Variants in MIOS observed in about 807,000 individuals in gnomAD.
MIOS encodes the protein GATOR2 complex protein MIOS.
In MIOS, 52 loss-of-function variants were observed where a neutral mutation model predicts 96.9. The ratio of observed to expected loss-of-function variants is 0.54; its 90% CI spans 0.43 to 0.68. The LOEUF (loss-of-function observed/expected upper bound fraction) is 0.68. Among genes scored for constraint, MIOS ranks in the 30% least tolerant of loss-of-function variants. The pLI is 0.00. For missense variants in MIOS, 1,005 were observed against 1,052.8 expected (o/e 0.95, Z 0.63); for synonymous variants, 397 against 359.5 (o/e 1.10, Z -1.18).
At chr7:7,567,562 C>G (rs1783188213) in intron 1 of MIOS, 45 bp from the exon 2 acceptor site, 2 of 152,154 alleles carry the variant, frequency 1.3e-5, no homozygotes. Context: ...GTGGACTTTG[C>G]TGAATAGGTT....
chr7:7,585,950 T>C (rs1725264001), intron 7 of MIOS, 145 bp downstream of exon 7: 2 of 662,304 alleles, frequency 3.0e-6, no homozygotes, highest in South Asian at 5.7e-5. Flanking sequence ...TGGGCTTTTT[T>C]TTTGAGCAGC....
chr7:7,583,007 T>C, intron 5 of MIOS, 111 bp from the exon 6 acceptor site: 1 of 1,204,558 alleles, frequency 8.3e-7, no homozygotes, highest in South Asian at 1.7e-5. Context: ...CATAAAATTA[T>C]GGCCGAGAAG....
At chr7:7,588,059 A>G (rs1397224118) in intron 7 of MIOS, among the ~76,000 whole-genome samples, 1 of 152,166 alleles carries the variant, frequency 6.6e-6, no homozygotes, top group Non-Finnish European at 1.5e-5. Context: ...TATTCTTCTA[A>G]GTTGTGTACT....
Position 7,573,318 on chromosome 7 carries a change from T to C in MIOS, c.843T>C (p.Gly281=). The C allele has an allele frequency of 6.2e-7, 1 of 1,614,106 alleles. No individual in the cohort carries two copies. The highest frequency in any genetic ancestry group is 8.5e-7 in the Non-Finnish European group (1 of 1,179,954). ...TKVAWCPTRT[G]LLATLTRDSN... is the part of the protein sequence containing the mutation. ...TAGCATGGTGTCCCACTAGGACTGG[T>C]CTACTTGCCACTTTAACAAGGGATA... Residue 281 remains glycine (G), a synonymous_variant, in exon 4 of 13, where the codon GGT becomes GGC. Coordinates refer to ENST00000340080, the MANE Select transcript of MIOS (RefSeq NM_019005.4). The surrounding 1 kb of genome is among the most constrained non-coding windows in gnomAD (Gnocchi z 5.0).
At chr7:7,600,276 T>A (rs1481989493) in intron 11 of MIOS, among the ~76,000 whole-genome samples, 1 of 151,966 alleles carries the variant, frequency 6.6e-6, no homozygotes, top group Non-Finnish European at 1.5e-5. Context: ...AAGTGCTGGA[T>A]AATTGGATAA....
chr7:7,601,154 A>G (rs1784365753), intron 11 of MIOS, among the ~76,000 whole-genome samples: 1 of 152,220 alleles, frequency 6.6e-6, no homozygotes, highest in Non-Finnish European at 1.5e-5. Context: ...CACAATTGAA[A>G]GAACTAGAGA....
chr7:7,585,773 A>T lies in MIOS; in HGVS notation c.1786A>T (p.Thr596Ser). 1 of 1,611,536 alleles carries T rather than the reference A, an allele frequency of 6.2e-7. No homozygotes were observed. Among genetic ancestry groups the T allele is most frequent in the South Asian group, 1.1e-5 (1 of 90,676 alleles). Residue 596 changes from threonine to serine, a missense_variant, in exon 7 of 13, where the codon ACA becomes TCA. Around this residue, in one of 3 missense-constraint regions of MIOS, gnomAD observed 865 missense variants for 887.9 expected, o/e 0.97. Coordinates refer to ENST00000340080, the MANE Select transcript of MIOS (RefSeq NM_019005.4). ...TTTGTGTGTCATGTTTGCATTTCTGACAAGTGAAACAGGATCTTACGATGG... is the reference window on the plus strand; with the variant it reads ...TTTGTGTGTCATGTTTGCATTTCTGTCAAGTGAAACAGGATCTTACGATGG... ...PYLCVMFAFL[T>S]SETGSYDGVL... is the part of the protein sequence containing the mutation.
intron 6 of MIOS, among the ~76,000 whole-genome samples, chr7:7,585,191 G>C (rs572083102): frequency 6.6e-6 from 1 of 152,068 alleles, no homozygotes; most frequent in Non-Finnish European, 1.5e-5. Flanking sequence ...ATTCTGGTAG[G>C]ATGACTTCAC....
intron 5 of MIOS, chr7:7,582,700 G>A (rs1017750389): frequency 1.2e-6 from 1 of 817,962 alleles, no homozygotes; most frequent in Non-Finnish European, 1.5e-6. Context: ...GAATAAAACA[G>A]ACAAGACACC....
chr7:7,591,907 C>A (rs574455042), intron 9 of MIOS, among the ~76,000 whole-genome samples: 1 of 152,132 alleles, frequency 6.6e-6, no homozygotes, highest in East Asian at 1.9e-4. Context: ...TAAACCACTT[C>A]ATAGTGTTCG....
chr7:7,569,629 G>C (rs986774299), intron 3 of MIOS, among the ~76,000 whole-genome samples: 1 of 152,178 alleles, frequency 6.6e-6, no homozygotes, highest in Non-Finnish European at 1.5e-5. Flanking sequence ...AGGTACAATG[G>C]AACACCAAAA....
At position 7,573,500 on chromosome 7, in the gene MIOS, C is replaced by G. The variant is rs1250354411; in HGVS notation, c.1025C>G (p.Thr342Ser). 2 of 1,614,154 alleles carry G rather than the reference C, an allele frequency of 1.2e-6. No individual in the cohort carries two copies. The highest frequency in any genetic ancestry group is 1.7e-5 in the Admixed American group (1 of 60,036). ...PTSQNRMIVV[T>S]PNRTMSDFTV... ...AGTCAAAATCGAATGATAGTTGTAA[C>G]TCCCAACCGAACAATGTCAGACTTC... The change falls in exon 4 of 13, where the codon ACT (threonine) becomes AGT (serine). Residue 342 changes from threonine (T) to serine (S), a missense_variant. Thr to Ser is a moderately conservative substitution (Grantham distance 58, BLOSUM62 1). Coordinates refer to ENST00000340080, the MANE Select transcript of MIOS (RefSeq NM_019005.4). The surrounding 1 kb of genome is among the most constrained non-coding windows in gnomAD (Gnocchi z 5.0).
intron 8 of MIOS, 144 bp from the exon 9 acceptor site, chr7:7,589,258 ACTT>A (rs1208188199): frequency 3.0e-5 from 19 of 640,874 alleles, no homozygotes; most frequent in Non-Finnish European, 4.1e-5. Context: ...ATAGATGCAG[ACTT>A]CTTAGTTAAA....
Position 7,603,621 on chromosome 7 carries a change from A to C in MIOS, c.2402-2321A>C, listed in dbSNP as rs1447814553. ...ACTTTTACACTGTTGGTGGGACTGTAAACTAGTTCAACCATTGTGGAAGTC... is the reference window on the plus strand; with the variant it reads ...ACTTTTACACTGTTGGTGGGACTGTCAACTAGTTCAACCATTGTGGAAGTC... On this transcript the variant is annotated intron_variant, in intron 11 of 12. Coordinates refer to ENST00000340080, the MANE Select transcript of MIOS (RefSeq NM_019005.4). Among the ~76,000 whole-genome samples, 7 of 152,320 alleles carry C rather than the reference A, an allele frequency of 4.6e-5. No homozygotes were observed. The East Asian group carries it at 1.4e-3, about 29-fold the overall frequency.
In MIOS at chr7:7,608,611, G is replaced by C. The variant is rs748443436; in HGVS notation, c.*1519G>C. 17 of 151,752 alleles carry C rather than the reference G, an allele frequency of 1.1e-4. No individual in the cohort carries two copies. The highest frequency in any genetic ancestry group is 2.2e-4 in the Non-Finnish European group (15 of 67,886). The allele number at this position is 151,752 out of a possible 1,614,324, so 9.4% of individuals were successfully genotyped here. A position where few individuals can be genotyped will look rare whatever the true frequency, so the allele number is the denominator to read the frequency against. ...AGGGTACTTTTTCCAGCCTTCATTTGAGTAAATCTTAATTGATTTCATTTT... is the reference window on the plus strand; with the variant it reads ...AGGGTACTTTTTCCAGCCTTCATTTCAGTAAATCTTAATTGATTTCATTTT... On this transcript the variant is annotated 3_prime_UTR_variant, in exon 13 of 13. Transcript: ENST00000340080.
At chr7:7,567,869 A>T (rs576810269) in intron 2 of MIOS, among the ~76,000 whole-genome samples, 157 bp from the exon 3 acceptor site, 1 of 152,342 alleles carries the variant, frequency 6.6e-6, no homozygotes, top group East Asian at 1.9e-4. Context: ...AATCCTCAAT[A>T]ATTTTTGCAT....
At chr7:7,600,687 G>A (rs866435622) in intron 11 of MIOS, among the ~76,000 whole-genome samples, 8 of 152,058 alleles carry the variant, frequency 5.3e-5, no homozygotes, top group South Asian at 2.1e-4. Flanking sequence ...GGATATCCAG[G>A]AATTGAACTC....
rs1192480605 is a variant in MIOS, at chr7:7,572,834, C to A, written c.359C>A (p.Ala120Asp). 6.2e-7 allele frequency: 1 copy of A among 1,614,070 alleles called. No homozygotes were observed. Among genetic ancestry groups the A allele is most frequent in the African/African-American group, 1.3e-5 (1 of 75,002 alleles). Residue 120 changes from alanine to aspartate, a missense_variant, in exon 4 of 13, where the codon GCC becomes GAC. Transcript: ENST00000340080. The surrounding 1 kb of genome is among the most constrained non-coding windows in gnomAD (Gnocchi z 4.8). ...PKHARQCNTL[A>D]WNPLDSNWLA... The stretch of plus-strand genomic sequence containing the variant: ...CATGCACGACAATGTAATACCCTTG[C>A]CTGGAATCCACTGGATAGTAACTGG...
Position 7,607,279 on chromosome 7 carries a change from C to T in MIOS, c.*187C>T. On this transcript the variant is annotated 3_prime_UTR_variant, in exon 13 of 13. Coordinates refer to ENST00000340080, the MANE Select transcript of MIOS (RefSeq NM_019005.4). ...TATGCTTCACAGAGACAAATGCTGCCAAAATAAACATCGAAGTATAGACAT... is the reference window on the plus strand; with the variant it reads ...TATGCTTCACAGAGACAAATGCTGCTAAAATAAACATCGAAGTATAGACAT... 1 of 487,522 alleles carries T rather than the reference C, an allele frequency of 2.1e-6. No individual in the cohort carries two copies. The allele number at this position is 487,522 out of a possible 1,614,324, so 30.2% of individuals were successfully genotyped here. A position where few individuals can be genotyped will look rare whatever the true frequency, so the allele number is the denominator to read the frequency against.
Sources: gnomAD v4.1 joint callset for allele counts (sites outside exome capture counted in the v4.1 genomes callset) on GRCh38, gnomAD v4.1.1 for gene constraint, gnomAD v4.1.1 regional missense constraint, Gnocchi (gnomAD v3.1) non-coding constraint, MANE v1.5 for transcripts, NCBI Gene and HGNC (gene_info 2026-07-23, HGNC 2026-07-21) for gene names.